The following GRIN2D variants were observed in gnomAD, a reference collection of about 807,000 sequenced individuals.
GRIN2D encodes glutamate ionotropic receptor NMDA type subunit 2D, also known as glutamate receptor ionotropic, NMDA 2D.
In GRIN2D, 37 loss-of-function variants were observed where a neutral mutation model predicts 103.2. The observed-to-expected ratio is 0.36, with a 90% CI of 0.28 to 0.47. The LOEUF (loss-of-function observed/expected upper bound fraction) is 0.47, where lower values mean the gene tolerates loss of function less well. GRIN2D is among the 20% of genes least tolerant of loss of function. The pLI, the probability that GRIN2D is intolerant of heterozygous loss-of-function variation, is 1.00. For synonymous variants in GRIN2D, 845 were observed against 885.6 expected (o/e 0.95, Z 0.81); for missense variants, 1,557 against 1,910.6 (o/e 0.81, Z 3.45).
intron 2 of GRIN2D, among the ~76,000 whole-genome samples, chr19:48,395,908 G>A (rs1452090379): frequency 6.6e-6 from 1 of 152,082 alleles, no homozygotes; most frequent in Admixed American, 6.5e-5. Flanking sequence ...GAGTTCCAGA[G>A]TCTTGGGGCA....
chr19:48,441,362 C>CAAAAAAAAAAAA (rs1173219939), intron 11 of GRIN2D, among the ~76,000 whole-genome samples: 2 of 127,324 alleles, frequency 1.6e-5, no homozygotes, highest in African/African-American at 6.6e-5. Context: ...GACTCTGTCT[C>CAAAAAAAAAAAA]AAAAAAAAAA....
At chr19:48,413,904 G>T in intron 4 of GRIN2D, 87 bp from the exon 5 acceptor site, 2 of 765,958 alleles carry the variant, frequency 2.6e-6, no homozygotes, top group Non-Finnish European at 4.8e-6. Context: ...GGCTGGGGCT[G>T]GTCTGCAGAA....
At position 48,440,546 on chromosome 19, in the gene GRIN2D, T is replaced by TG. The variant is rs1260465631; in HGVS notation, c.2253-1221dup. On this transcript the variant is annotated intron_variant, in intron 11 of 13. Coordinates refer to ENST00000263269, the MANE Select transcript of GRIN2D (RefSeq NM_000836.4). The stretch of plus-strand genomic sequence containing the variant: ...AGGTCAAGGCTGCAGTGAGCTATGA[T>TG]GGTGCCACTGCATTCCAGCTTGGGC... 3.9e-5 allele frequency among the ~76,000 whole-genome samples: 6 copies of TG among 152,298 alleles called. No homozygotes were observed. In the East Asian group the frequency reaches 1.2e-3, roughly 29 times the overall value.
rs565569762 is a variant in GRIN2D, at chr19:48,399,036, G to T, written c.465+179G>T. ...GGGCTTAGGGCTAGATTAGAGGCGG[G>T]GCTGACTTGGAGGGGGCTGGTCTAT... On this transcript the variant is annotated intron_variant, in intron 3 of 13. Transcript: ENST00000263269. Among the ~76,000 whole-genome samples the T allele has an allele frequency of 3.8e-4, 58 of 152,302 alleles. 1 individual carries two copies. The highest frequency in any genetic ancestry group is 3.4e-3 in the Middle Eastern group (1 of 292).
chr19:48,443,240 A>C lies in GRIN2D; in HGVS notation c.3314A>C (p.Tyr1105Ser). Residue 1105 changes from tyrosine to serine, a missense_variant, in exon 14 of 14, where the codon TAC becomes TCC. Tyr to Ser is a moderately radical substitution (Grantham distance 144, BLOSUM62 -2). Transcript: ENST00000263269. The surrounding 1 kb of genome is among the most constrained non-coding windows in gnomAD (Gnocchi z 8.9). ...CGCGCCGCGCCGCCCCCGTGCCCTTACCTCGATCTCGAGCCGTCGCCGTCG... is the reference window on the plus strand; with the variant it reads ...CGCGCCGCGCCGCCCCCGTGCCCTTCCCTCGATCTCGAGCCGTCGCCGTCG... ...PCRAAPPPCP[Y>S]LDLEPSPSDS... 1 of 1,460,782 alleles carries C rather than the reference A, an allele frequency of 6.8e-7. No individual in the cohort carries two copies. Among genetic ancestry groups the C allele is most frequent in the Non-Finnish European group, 9.0e-7 (1 of 1,108,890 alleles). The allele number at this position is 1,460,782 out of a possible 1,614,324, so 90.5% of individuals were successfully genotyped here. A position where few individuals can be genotyped will look rare whatever the true frequency, so the allele number is the denominator to read the frequency against.
chr19:48,430,084 T>C (rs541967093), intron 11 of GRIN2D, among the ~76,000 whole-genome samples: 1 of 152,326 alleles, frequency 6.6e-6, no homozygotes, highest in African/African-American at 2.4e-5. Context: ...GCCTCCCACA[T>C]TGTGACTCTG....
Position 48,442,847 on chromosome 19 carries a change from G to C in GRIN2D, c.2921G>C (p.Gly974Ala). 1 of 1,085,626 alleles carries C rather than the reference G, an allele frequency of 9.2e-7. No homozygotes were observed. The highest frequency in any genetic ancestry group is 1.1e-6 in the Non-Finnish European group (1 of 896,440). 67.2% of individuals were successfully genotyped at this position (1,085,626 alleles called of 1,614,324 possible). The change falls in exon 14 of 14, where the codon GGC becomes GCC. Residue 974 changes from glycine to alanine, a missense_variant. Transcript: ENST00000263269. This position sits in a 1 kb window ranked among gnomAD's most constrained non-coding sequence, Gnocchi z 7.2. ...GGCCCCATCGAGCCGCAGGGCCTAG[G>C]CCTCGGCCTGGGCGAAGCGCGCGCG... ...YYGPIEPQGL[G>A]LGLGEARAAP...
At chr19:48,441,143 C>T (rs868155004) in intron 11 of GRIN2D, among the ~76,000 whole-genome samples, 1 of 148,180 alleles carries the variant, frequency 6.7e-6, no homozygotes, top group South Asian at 2.1e-4. Flanking sequence ...GACAGGTGGA[C>T]CACAAGGACA....
intron 3 of GRIN2D, among the ~76,000 whole-genome samples, chr19:48,402,206 A>G (rs1970725247): frequency 6.6e-6 from 1 of 152,026 alleles, no homozygotes; most frequent in Non-Finnish European, 1.5e-5. Context: ...AAAGTTGTAG[A>G]TAGCTGGGCA....
chr19:48,420,224 C>T (rs555372880), intron 10 of GRIN2D, among the ~76,000 whole-genome samples: 2 of 151,444 alleles, frequency 1.3e-5, no homozygotes, highest in South Asian at 4.2e-4. Context: ...GTCAGGAGAT[C>T]GAGACCATCC....
chr19:48,395,242 A>C (rs1970624036), intron 2 of GRIN2D, among the ~76,000 whole-genome samples: 1 of 147,630 alleles, frequency 6.8e-6, no homozygotes, highest in African/African-American at 2.5e-5. Flanking sequence ...CCATCTCTCT[A>C]TCTCACCTTC....
chr19:48,426,294 C>T (rs1191927813), intron 11 of GRIN2D, among the ~76,000 whole-genome samples: 7 of 142,900 alleles, frequency 4.9e-5, no homozygotes, highest in South Asian at 4.5e-4. Context: ...TGCGCGATCT[C>T]GGCTCACTGC....
chr19:48,402,806 A>AGAGAGAGAGAGAG (rs1970735217), intron 3 of GRIN2D, among the ~76,000 whole-genome samples: 1 of 115,912 alleles, frequency 8.6e-6, no homozygotes, highest in Non-Finnish European at 1.7e-5. Flanking sequence ...GAGAGAGAGA[A>AGAGAGAGAGAGAG]TAGGGAACAG....
At chr19:48,428,408 T>G (rs1248872021) in intron 11 of GRIN2D, among the ~76,000 whole-genome samples, 4 of 145,218 alleles carry the variant, frequency 2.8e-5, no homozygotes, top group Admixed American at 2.1e-4. Flanking sequence ...TTGCCCCGGC[T>G]GGAGTGCAGT....
chr19:48,410,069 A>G (rs879599451), intron 4 of GRIN2D, among the ~76,000 whole-genome samples: 6 of 151,056 alleles, frequency 4.0e-5, no homozygotes, highest in Non-Finnish European at 7.4e-5. Flanking sequence ...ACAGGCGTGA[A>G]CCACTGCGCC....
intron 4 of GRIN2D, among the ~76,000 whole-genome samples, chr19:48,412,481 G>GAA (rs975133990): frequency 3.1e-4 from 45 of 146,834 alleles, no homozygotes; most frequent in South Asian, 6.5e-4. Context: ...AAGAAAGAAA[G>GAA]AGAGAGAAAG....
intron 11 of GRIN2D, among the ~76,000 whole-genome samples, chr19:48,440,709 T>G (rs1467070355): frequency 6.6e-6 from 1 of 152,210 alleles, no homozygotes; most frequent in African/African-American, 2.4e-5. Context: ...TGTTTTGAGA[T>G]GGCATCTCTC....
chr19:48,419,516 T>C (rs545387915), intron 9 of GRIN2D, 69 bp from the exon 10 acceptor site: 1 of 74,172 alleles, frequency 1.3e-5, no homozygotes. Flanking sequence ...TAGTTCTTTC[T>C]TTTTTTTTTT....
intron 8 of GRIN2D, among the ~76,000 whole-genome samples, chr19:48,416,745 C>CTTT (rs56292890): frequency 0.11 from 16,137 of 141,070 alleles, 1,183 homozygotes; most frequent in Admixed American, 0.22. Context: ...CTCTCTCTCT[C>CTTT]TTTTTTTTTT....
Sources: gnomAD v4.1 joint callset for allele counts (sites outside exome capture counted in the v4.1 genomes callset) on GRCh38, gnomAD v4.1.1 for gene constraint, Gnocchi (gnomAD v3.1) non-coding constraint, MANE v1.5 for transcripts, NCBI Gene and HGNC (gene_info 2026-07-23, HGNC 2026-07-21) for gene names.